ADAP1: variants seen among roughly 807,000 people sequenced by gnomAD.
ADAP1 encodes ArfGAP with dual PH domains 1.
ADAP1 carries 31 observed loss-of-function variants against 54.9 expected under a neutral mutation model. The observed-to-expected ratio is 0.56, with a 90% CI of 0.42 to 0.76. The LOEUF (loss-of-function observed/expected upper bound fraction) is 0.76, where lower values mean the gene tolerates loss of function less well. Ranked by LOEUF, ADAP1 falls within the 30% of genes least tolerant of loss-of-function variation. The pLI is 0.00. For synonymous variants in ADAP1, 313 were observed against 202.6 expected, an observed-to-expected ratio of 1.55 and a Z score of -4.63; for missense variants, 535 against 512.4, an observed-to-expected ratio of 1.04 and a Z score of -0.42.
intron 2 of ADAP1, among the ~76,000 whole-genome samples, chr7:928,848 T>A (rs957896107): frequency 3.9e-5 from 6 of 152,178 alleles, no homozygotes; most frequent in African/African-American, 1.4e-4. Context: ...CTCTGCACCG[T>A]AAGAGACGCG....
At chr7:925,947 AG>A (rs1440927996) in intron 3 of ADAP1, among the ~76,000 whole-genome samples, 1 of 152,032 alleles carries the variant, frequency 6.6e-6, no homozygotes, top group African/African-American at 2.4e-5. Context: ...GACAGGTACG[AG>A]GGGGTCGGTG....
intron 2 of ADAP1, among the ~76,000 whole-genome samples, chr7:931,230 GAC>G (rs1189683249): frequency 2.0e-5 from 3 of 152,194 alleles, no homozygotes; most frequent in African/African-American, 7.2e-5. Context: ...AAAGGTGGGA[GAC>G]AGGGAAGGAG....
rs1562934169 is a variant in ADAP1 at position 937,307 on chromosome 7, TGCCTGGCCTCTGGGATTTGGGGGTCAC to T, written c.83-1829_83-1803del. ...CCTGGCCTCTGGGATTTGGGGGTCA[TGCCTGGCCTCTGGGATTTGGGGGTCAC>T]GCTGCACATCTGGGATTTGGGGGTC... On this transcript the variant is annotated intron_variant, in intron 1 of 10. Coordinates refer to ENST00000265846, the MANE Select transcript of ADAP1 (RefSeq NM_006869.4). Among the ~76,000 whole-genome samples, 32 of 31,362 alleles carry T rather than the reference TGCCTGGCCTCTGGGATTTGGGGGTCAC, an allele frequency of 1.0e-3. 11 individuals carry two copies. The highest frequency in any genetic ancestry group is 7.8e-3 in the East Asian group (12 of 1,532). 20.6% of individuals were successfully genotyped at this position (31,362 alleles called of 152,430 possible). A position where few individuals can be genotyped will look rare whatever the true frequency, so the allele number is the denominator to read the frequency against.
intron 4 of ADAP1, among the ~76,000 whole-genome samples, chr7:914,019 T>C (rs1845831690): frequency 6.6e-6 from 1 of 152,226 alleles, no homozygotes; most frequent in African/African-American, 2.4e-5. Context: ...GGCTCCGCCT[T>C]CCTCAGCCAT....
rs1846843186 is a variant in ADAP1 at position 938,375 on chromosome 7, T to C, written c.83-2870A>G. Among the ~76,000 whole-genome samples, 1 of 152,110 alleles carries C rather than the reference T, an allele frequency of 6.6e-6. No individual in the cohort carries two copies. Among genetic ancestry groups the C allele is most frequent in the Non-Finnish European group, 1.5e-5 (1 of 68,022 alleles). On this transcript the variant is annotated intron_variant, in intron 1 of 10. Transcript: ENST00000265846. This position sits in a 1 kb window ranked among gnomAD's most constrained non-coding sequence, Gnocchi z 4.4. Reference sequence around the variant, plus strand: ...TTTAAAATTTTTGGTAGAGATGAAGTCTCTCTATGTTGCCCAGCTTGGGCT... The same window carrying C: ...TTTAAAATTTTTGGTAGAGATGAAGCCTCTCTATGTTGCCCAGCTTGGGCT...
rs1326665098 is a variant in ADAP1 at position 898,728 on chromosome 7, G to A, written c.*193C>T. ...GACGGGGTTAGAGATCAGGCCCAGGGCCTGGGCTGCCTGCCTTGAGGTTCC... is the reference window on the plus strand; with the variant it reads ...GACGGGGTTAGAGATCAGGCCCAGGACCTGGGCTGCCTGCCTTGAGGTTCC... On this transcript the variant is annotated 3_prime_UTR_variant, in exon 11 of 11. Transcript: ENST00000265846. 1.3e-5 allele frequency: 9 copies of A among 694,102 alleles called. No individual in the cohort carries two copies. Among genetic ancestry groups the A allele is most frequent in the East Asian group, 2.7e-5 (1 of 36,662 alleles). The allele number at this position is 694,102 out of a possible 1,614,324, so 43.0% of individuals were successfully genotyped here. A position where few individuals can be genotyped will look rare whatever the true frequency, so the allele number is the denominator to read the frequency against.
chr7:900,640 C>A (rs1011465063), intron 6 of ADAP1, 24 bp from the exon 7 acceptor site: 1 of 1,563,122 alleles, frequency 6.4e-7, no homozygotes, highest in Admixed American at 1.8e-5. Context: ...TGGGCACAGG[C>A]TTGGGCTGAG....
Position 920,492 on chromosome 7 carries a change from C to T in ADAP1, c.306-442G>A, listed in dbSNP as rs1384507550. Among the ~76,000 whole-genome samples, 11 of 151,728 alleles carry T rather than the reference C, an allele frequency of 7.2e-5. No individual in the cohort carries two copies. The highest frequency in any genetic ancestry group is 1.3e-4 in the Non-Finnish European group (9 of 67,876). On this transcript the variant is annotated intron_variant, in intron 3 of 10. Coordinates refer to ENST00000265846, the MANE Select transcript of ADAP1 (RefSeq NM_006869.4). The surrounding 1 kb of genome is among the most constrained non-coding windows in gnomAD (Gnocchi z 4.5). The stretch of plus-strand genomic sequence containing the variant: ...TGGGAAGTGGCCGCGGCGCCGCCCT[C>T]CACCCACCGTGCTGCCACCTTGCAC...
In ADAP1 at chr7:947,730, C is replaced by A. The variant is rs937878200; in HGVS notation, c.82+6666G>T. ...GGTCACTGCAGCAGCGTCCCACCCACCTCCCGCTCCCGCGCTGGCCCTACC... is the reference window on the plus strand; with the variant it reads ...GGTCACTGCAGCAGCGTCCCACCCAACTCCCGCTCCCGCGCTGGCCCTACC... On this transcript the variant is annotated intron_variant, in intron 1 of 10. Transcript: ENST00000265846. Among the ~76,000 whole-genome samples the A allele has an allele frequency of 3.3e-5, 5 of 152,286 alleles. 1 individual carries two copies. The highest frequency in any genetic ancestry group is 6.8e-3 in the Middle Eastern group (2 of 294).
chr7:905,188 G>C lies in ADAP1; in HGVS notation c.389-16C>G. ...TCACGGTACCCTGTGGGGGAAAGGGGACACGAGTCGGTGACAGTGGATGGG... is the reference window on the plus strand; with the variant it reads ...TCACGGTACCCTGTGGGGGAAAGGGCACACGAGTCGGTGACAGTGGATGGG... On this transcript the variant is annotated splice_polypyrimidine_tract_variant and intron_variant, in intron 4 of 10. Transcript: ENST00000265846. 1.2e-6 allele frequency: 2 copies of C among 1,603,222 alleles called. No individual in the cohort carries two copies. Among genetic ancestry groups the C allele is most frequent in the South Asian group, 2.2e-5 (2 of 90,918 alleles).
chr7:950,856 C>CAAAAAA (rs34720533), intron 1 of ADAP1, among the ~76,000 whole-genome samples: 5 of 84,978 alleles, frequency 5.9e-5, no homozygotes, highest in African/African-American at 1.4e-4. Context: ...GACTCCGTCT[C>CAAAAAA]AAAAAAAAAA....
At chr7:927,604 A>G (rs905200328) in intron 2 of ADAP1, 3 of 417,746 alleles carry the variant, frequency 7.2e-6, no homozygotes, top group Admixed American at 3.0e-5. Context: ...AGCTGGAGAA[A>G]TCACAAGCAA....
chr7:916,348 A>G (rs1562923084), intron 4 of ADAP1, among the ~76,000 whole-genome samples: 1 of 152,164 alleles, frequency 6.6e-6, no homozygotes, highest in African/African-American at 2.4e-5. Flanking sequence ...ATTCCAGTCA[A>G]TCCATTTCCA....
At chr7:952,099 T>C (rs1847286019) in intron 1 of ADAP1, among the ~76,000 whole-genome samples, 1 of 136,632 alleles carries the variant, frequency 7.3e-6, no homozygotes, top group African/African-American at 2.7e-5. Context: ...ACGCCCCAAC[T>C]CGCCCACCTG....
chr7:924,756 C>A (rs72569837), intron 3 of ADAP1, among the ~76,000 whole-genome samples: 15,532 of 151,706 alleles, frequency 0.1, 990 homozygotes, highest in East Asian at 0.31. Context: ...CCCATGTCAG[C>A]CCCCGGTCCC....
chr7:904,899 G>A (rs527744688), intron 5 of ADAP1, among the ~76,000 whole-genome samples, 161 bp downstream of exon 5: 2 of 152,340 alleles, frequency 1.3e-5, no homozygotes, highest in South Asian at 4.1e-4. Flanking sequence ...CCGGCACACA[G>A]AGGCTCAGCC....
Position 907,996 on chromosome 7 carries a change from C to T in ADAP1, c.389-2824G>A, listed in dbSNP as rs187439941. 7.9e-3 allele frequency among the ~76,000 whole-genome samples: 1,199 copies of T among 152,224 alleles called. 15 individuals carry two copies. The highest frequency in any genetic ancestry group is 5.7e-3 in the Non-Finnish European group (386 of 67,996). ...TGGGCCCTTCCCGGGGTCGTGGGGC[C>T]GTCTGCTGAGCATCCGTGGGCCTGT... is the stretch of plus-strand genomic sequence containing the variant. On this transcript the variant is annotated intron_variant, in intron 4 of 10. Transcript: ENST00000265846.
chr7:909,149 G>A (rs1256947696), intron 4 of ADAP1, among the ~76,000 whole-genome samples: 1 of 148,314 alleles, frequency 6.7e-6, no homozygotes, highest in African/African-American at 2.5e-5. Context: ...GCGCCAGCGG[G>A]AACCCCGGTC....
chr7:909,105 A>G (rs998855157), intron 4 of ADAP1, among the ~76,000 whole-genome samples: 2 of 147,820 alleles, frequency 1.4e-5, no homozygotes, highest in African/African-American at 2.5e-5. Flanking sequence ...CGGGGTCCAG[A>G]CGCCAGCGGG....
Sources: gnomAD v4.1 joint callset for allele counts (sites outside exome capture counted in the v4.1 genomes callset) on GRCh38, gnomAD v4.1.1 for gene constraint, Gnocchi (gnomAD v3.1) non-coding constraint, MANE v1.5 for transcripts, NCBI Gene and HGNC (gene_info 2026-07-23, HGNC 2026-07-21) for gene names.